Variants in DLGAP2 observed in about 807,000 individuals in gnomAD.
The protein encoded by DLGAP2 is DLG associated protein 2.
In DLGAP2, 26 loss-of-function variants were observed where a neutral mutation model predicts 100.3. That is an observed-to-expected ratio of 0.26 (90% CI 0.19 to 0.36). DLGAP2 has a LOEUF of 0.36. Ranked by LOEUF, DLGAP2 falls within the 10% of genes least tolerant of loss-of-function variation. The pLI is 1.00. For synonymous variants in DLGAP2, 886 were observed against 630.1 expected (o/e 1.41, Z -6.08); for missense variants, 1,858 against 1,453.2 (o/e 1.28, Z -4.53).
intron 3 of DLGAP2, 137 bp from the exon 4 acceptor site, chr8:1,501,229 C>A: frequency 2.3e-6 from 2 of 879,574 alleles, no homozygotes; most frequent in Non-Finnish European, 3.5e-6. Flanking sequence ...GGGCTCTGAG[C>A]GGTGACGTTT....
chr8:1,421,229 T>A (rs904826286), intron 3 of DLGAP2, among the ~76,000 whole-genome samples: 1 of 152,232 alleles, frequency 6.6e-6, no homozygotes, highest in African/African-American at 2.4e-5. Context: ...GTTGTGTGTG[T>A]GAGAGCTGCT....
chr8:1,333,965 C>G (rs1023028933), intron 3 of DLGAP2, among the ~76,000 whole-genome samples: 2 of 152,216 alleles, frequency 1.3e-5, no homozygotes, highest in African/African-American at 4.8e-5. Flanking sequence ...GGGGCCAACA[C>G]GGCGAGAGCC....
Position 965,670 on chromosome 8 carries a change from C to G in DLGAP2, c.73+57704C>G, listed in dbSNP as rs1266876474. On this transcript the variant is annotated intron_variant, in intron 2 of 14. Coordinates refer to ENST00000637795, the MANE Select transcript of DLGAP2 (RefSeq NM_001346810.2). ...CAGGGCTCCTGAGTCTGACCCCGCA[C>G]TGCACACGGCACTGTTCACCTCACA... is the stretch of plus-strand genomic sequence containing the variant. 4.0e-4 allele frequency among the ~76,000 whole-genome samples: 54 copies of G among 135,356 alleles called. 1 individual carries two copies. The highest frequency in any genetic ancestry group is 1.4e-3 in the African/African-American group (47 of 33,196). 88.8% of individuals were successfully genotyped at this position (135,356 alleles called of 152,430 possible). A position where few individuals can be genotyped will look rare whatever the true frequency, so the allele number is the denominator to read the frequency against.
intron 1 of DLGAP2, among the ~76,000 whole-genome samples, chr8:832,774 G>A (rs778412636): frequency 4.6e-5 from 7 of 152,314 alleles, no homozygotes; most frequent in Middle Eastern, 6.8e-3. Context: ...CATGCTGAGA[G>A]CCTCTGCTGG....
intron 2 of DLGAP2, among the ~76,000 whole-genome samples, chr8:1,167,214 A>G (rs1251353730): frequency 6.6e-6 from 1 of 152,172 alleles, no homozygotes. Context: ...AAAAAAGCAC[A>G]TGCATGAAAT....
At chr8:1,496,114 A>G (rs1407627852) in intron 3 of DLGAP2, among the ~76,000 whole-genome samples, 1 of 152,182 alleles carries the variant, frequency 6.6e-6, no homozygotes, top group Non-Finnish European at 1.5e-5. Context: ...TCTTGCAAGT[A>G]AGTCTACCCT....
chr8:927,319 T>A, intron 2 of DLGAP2: 1 of 828,240 alleles, frequency 1.2e-6, no homozygotes, highest in Non-Finnish European at 1.5e-6. Context: ...TACTTGAACA[T>A]GTTGATTCAA....
chr8:1,389,118 C>T (rs1050954237), intron 3 of DLGAP2, among the ~76,000 whole-genome samples: 2 of 152,084 alleles, frequency 1.3e-5, no homozygotes, highest in Admixed American at 6.6e-5. Context: ...GCAGAGGCTG[C>T]AGGTGGGGAG....
intron 6 of DLGAP2, among the ~76,000 whole-genome samples, chr8:1,603,512 G>T (rs113540984): frequency 0.025 from 3,809 of 151,646 alleles, 54 homozygotes; most frequent in Non-Finnish European, 0.041. Flanking sequence ...GTTCCATAGA[G>T]GCTGGTTAGA....
chr8:1,079,495 G>A (rs576381658), intron 2 of DLGAP2, among the ~76,000 whole-genome samples: 12 of 152,208 alleles, frequency 7.9e-5, no homozygotes, highest in African/African-American at 2.9e-4. Context: ...GAAACAGATG[G>A]TATCTTAAGA....
At chr8:1,097,644 C>T (rs1269826463) in intron 2 of DLGAP2, among the ~76,000 whole-genome samples, 21 of 127,588 alleles carry the variant, frequency 1.6e-4, no homozygotes, top group African/African-American at 6.5e-4. Context: ...TCAGGAGAGT[C>T]GAGCTGGGAG....
chr8:1,649,089 C>G (rs1295027256), intron 8 of DLGAP2, among the ~76,000 whole-genome samples: 7 of 152,084 alleles, frequency 4.6e-5, no homozygotes, highest in Non-Finnish European at 1.0e-4. Flanking sequence ...ACTTTATTCT[C>G]CAGAAAAGTA....
chr8:1,303,402 C>CAAAAAAAAAAAAAA, intron 3 of DLGAP2, among the ~76,000 whole-genome samples: 1 of 125,308 alleles, frequency 8.0e-6, no homozygotes, highest in Non-Finnish European at 1.7e-5. Context: ...GTCTCAAAAA[C>CAAAAAAAAAAAAAA]AAAAAAAAAA....
chr8:782,415 C>T (rs1029726872), intron 1 of DLGAP2, among the ~76,000 whole-genome samples: 6 of 151,968 alleles, frequency 3.9e-5, no homozygotes, highest in Non-Finnish European at 8.8e-5. Flanking sequence ...TCTCACTAGG[C>T]CATCAATTAT....
intron 10 of DLGAP2, among the ~76,000 whole-genome samples, chr8:1,672,162 C>G (rs995764906): frequency 4.6e-5 from 7 of 152,094 alleles, no homozygotes; most frequent in Admixed American, 3.9e-4. Flanking sequence ...CCTTCTGTCC[C>G]TGGTGCCTTG....
At chr8:949,479 C>T (rs1490680641) in intron 2 of DLGAP2, among the ~76,000 whole-genome samples, 1 of 152,056 alleles carries the variant, frequency 6.6e-6, no homozygotes, top group African/African-American at 2.4e-5. Context: ...GCTTCCGGAG[C>T]TGAAACTCGG....
intron 2 of DLGAP2, among the ~76,000 whole-genome samples, chr8:1,222,616 G>A (rs911787032): frequency 1.8e-4 from 28 of 152,060 alleles, no homozygotes; most frequent in African/African-American, 6.5e-4. Context: ...GCTGGCGGGG[G>A]AAGGCTGCAG....
Position 1,437,813 on chromosome 8 carries a change from C to CAAAAAA in DLGAP2, c.107-63535_107-63530dup, listed in dbSNP as rs59165125. ...TGAAACCCCGTCTCTACTAAAAATA[C>CAAAAAA]AAAAAAAAAAAAAAAAAAAAAAATT... On this transcript the variant is annotated intron_variant, in intron 3 of 14. Transcript: ENST00000637795. Among the ~76,000 whole-genome samples, 843 of 85,206 alleles carry CAAAAAA rather than the reference C, an allele frequency of 9.9e-3. 13 individuals carry two copies. The highest frequency in any genetic ancestry group is 0.019 in the East Asian group (50 of 2,574). The allele number at this position is 85,206 out of a possible 152,430, so 55.9% of individuals were successfully genotyped here. A position where few individuals can be genotyped will look rare whatever the true frequency, so the allele number is the denominator to read the frequency against.
chr8:745,924 C>T (rs977609259), intron 1 of DLGAP2, among the ~76,000 whole-genome samples: 1 of 152,354 alleles, frequency 6.6e-6, no homozygotes, highest in Admixed American at 6.5e-5. Context: ...AGCCTGATCA[C>T]ATCTCCATCT....
Sources: gnomAD v4.1 joint callset for allele counts (sites outside exome capture counted in the v4.1 genomes callset) on GRCh38, gnomAD v4.1.1 for gene constraint, MANE v1.5 for transcripts, NCBI Gene and HGNC (gene_info 2026-07-23, HGNC 2026-07-21) for gene names.